Variants in NLGN1 observed in about 807,000 individuals in gnomAD.
NLGN1 encodes the protein neuroligin-1.
In NLGN1, 12 loss-of-function variants were observed where a neutral mutation model predicts 65.5. The observed-to-expected ratio is 0.18, with a 90% CI of 0.12 to 0.30. NLGN1 has a LOEUF of 0.30. NLGN1 is among the 10% of genes least tolerant of loss of function. The pLI is 1.00. For missense variants in NLGN1, 750 were observed against 1,007.1 expected (o/e 0.74, Z 3.46); for synonymous variants, 350 against 359.5 (o/e 0.97, Z 0.30).
intron 3 of NLGN1, among the ~76,000 whole-genome samples, chr3:173,643,114 CTA>C (rs1326321222): frequency 6.6e-6 from 1 of 152,092 alleles, no homozygotes; most frequent in Non-Finnish European, 1.5e-5. Flanking sequence ...GCAATAGAAA[CTA>C]TTCAGGATGA....
chr3:174,094,743 CG>C (rs1745143960), intron 4 of NLGN1, among the ~76,000 whole-genome samples: 1 of 97,896 alleles, frequency 1.0e-5, no homozygotes, highest in East Asian at 3.1e-4. Flanking sequence ...TCCTTGGCTC[CG>C]CTAAAAAAAA....
intron 3 of NLGN1, among the ~76,000 whole-genome samples, chr3:173,632,560 T>C (rs942147247): frequency 3.3e-5 from 5 of 152,190 alleles, no homozygotes; most frequent in Admixed American, 2.0e-4. Flanking sequence ...TGGCCTTGGT[T>C]CATTTTTAGC....
intron 2 of NLGN1, among the ~76,000 whole-genome samples, chr3:173,468,775 T>C (rs1724811461): frequency 6.6e-6 from 1 of 151,998 alleles, no homozygotes; most frequent in South Asian, 2.1e-4. Flanking sequence ...AAATAGCACA[T>C]CTATAGTAAG....
At chr3:174,069,652 AG>A (rs1560969346) in intron 4 of NLGN1, among the ~76,000 whole-genome samples, 3 of 152,234 alleles carry the variant, frequency 2.0e-5, no homozygotes, top group African/African-American at 7.2e-5. Context: ...CTGCCCACAG[AG>A]GGTACAGTAT....
chr3:173,607,113 G>C (rs1226909009), intron 3 of NLGN1, among the ~76,000 whole-genome samples: 2 of 152,100 alleles, frequency 1.3e-5, no homozygotes, highest in Middle Eastern at 3.4e-3. Flanking sequence ...AAGCTAGTGA[G>C]TGAGAAAGTG....
At chr3:173,753,888 G>A (rs1316746454) in intron 3 of NLGN1, among the ~76,000 whole-genome samples, 1 of 149,138 alleles carries the variant, frequency 6.7e-6, no homozygotes, top group Non-Finnish European at 1.5e-5. Context: ...ATCTTTAATT[G>A]CTGTTTTCTC....
intron 4 of NLGN1, among the ~76,000 whole-genome samples, chr3:174,099,085 A>G (rs768165189): frequency 1.3e-5 from 2 of 152,220 alleles, no homozygotes; most frequent in Admixed American, 6.5e-5. Context: ...TATTAAAATC[A>G]AAACAGTCTT....
At chr3:173,940,366 G>A (rs533921881) in intron 4 of NLGN1, among the ~76,000 whole-genome samples, 1 of 152,048 alleles carries the variant, frequency 6.6e-6, no homozygotes, top group Non-Finnish European at 1.5e-5. Context: ...TGGGATTACA[G>A]GCATGAGCTA....
At chr3:173,963,533 G>A (rs1018461926) in intron 4 of NLGN1, among the ~76,000 whole-genome samples, 4 of 152,134 alleles carry the variant, frequency 2.6e-5, no homozygotes, top group Non-Finnish European at 4.4e-5. Context: ...ATCAGTATGT[G>A]ATAGAAGTTG....
At chr3:173,719,334 TC>T (rs1337177607) in intron 3 of NLGN1, among the ~76,000 whole-genome samples, 1 of 152,166 alleles carries the variant, frequency 6.6e-6, no homozygotes. Context: ...TTCCTTAAAC[TC>T]CTTTTTGTGA....
At chr3:173,448,744 GTTA>G (rs1720883161) in intron 2 of NLGN1, among the ~76,000 whole-genome samples, 2 of 152,134 alleles carry the variant, frequency 1.3e-5, no homozygotes, top group Admixed American at 6.5e-5. Context: ...TTCAGAGCCT[GTTA>G]TTGGTCTATT....
chr3:173,768,981 G>A (rs746710149), intron 3 of NLGN1, among the ~76,000 whole-genome samples: 4 of 152,048 alleles, frequency 2.6e-5, no homozygotes, highest in Non-Finnish European at 4.4e-5. Context: ...TGTTGCCCAG[G>A]CTGGTGTTGA....
At chr3:173,725,581 A>G (rs1038098813) in intron 3 of NLGN1, among the ~76,000 whole-genome samples, 46 of 152,248 alleles carry the variant, frequency 3.0e-4, no homozygotes, top group African/African-American at 1.1e-3. Context: ...ACTACAGCAT[A>G]CAGAAAAAGA....
intron 3 of NLGN1, among the ~76,000 whole-genome samples, chr3:173,779,989 T>C (rs1228298683): frequency 1.3e-5 from 2 of 152,198 alleles, no homozygotes; most frequent in African/African-American, 4.8e-5. Context: ...GAAAATGTTA[T>C]CCATTTACCT....
At chr3:173,925,786 A>AAT (rs1742891498) in intron 4 of NLGN1, among the ~76,000 whole-genome samples, 1 of 152,102 alleles carries the variant, frequency 6.6e-6, no homozygotes. Context: ...AAAAATTATA[A>AAT]ATATATATAT....
chr3:173,848,287 A>T (rs1726211271), intron 4 of NLGN1, among the ~76,000 whole-genome samples: 1 of 152,166 alleles, frequency 6.6e-6, no homozygotes, highest in Non-Finnish European at 1.5e-5. Flanking sequence ...CTCATTTCAC[A>T]CTTATGTGGT....
chr3:174,127,020 C>A (rs1280497059), intron 4 of NLGN1, among the ~76,000 whole-genome samples: 1 of 152,008 alleles, frequency 6.6e-6, no homozygotes, highest in Non-Finnish European at 1.5e-5. Context: ...TAGGGTATAT[C>A]TCACCATTTT....
chr3:173,587,333 A>G (rs1747651123), intron 2 of NLGN1, among the ~76,000 whole-genome samples: 1 of 65,588 alleles, frequency 1.5e-5, no homozygotes, highest in African/African-American at 6.7e-5. Flanking sequence ...TTCTACAAGC[A>G]GTACATACAC....
intron 1 of NLGN1, among the ~76,000 whole-genome samples, chr3:173,431,714 T>C (rs1047025412): frequency 2.0e-5 from 3 of 152,174 alleles, no homozygotes; most frequent in Admixed American, 2.0e-4. Flanking sequence ...TGAATCCACA[T>C]TGACACATCA....
Sources: allele counts gnomAD v4.1 joint callset (sites outside exome capture counted in the v4.1 genomes callset), GRCh38; gene constraint gnomAD v4.1.1; transcripts MANE v1.5; gene names NCBI Gene and HGNC (gene_info 2026-07-23, HGNC 2026-07-21).